The following KCNH7 variants were observed in gnomAD, a reference collection of about 807,000 sequenced individuals.
The protein encoded by KCNH7 is potassium voltage-gated channel subfamily H member 7.
A neutral mutation model predicts 120.8 loss-of-function variants in KCNH7; 49 were observed. The observed-to-expected ratio is 0.41, with a 90% CI of 0.32 to 0.51. The LOEUF is 0.51. Ranked by LOEUF, KCNH7 falls within the 20% of genes least tolerant of loss-of-function variation. KCNH7 has a pLI of 0.38. For synonymous variants in KCNH7, 547 were observed against 516.1 expected (o/e 1.06, Z -0.81); for missense variants, 1,097 against 1,446.6 (o/e 0.76, Z 3.92).
chr2:162,748,884 T>G (rs1454995384), intron 2 of KCNH7, among the ~76,000 whole-genome samples: 1 of 62,438 alleles, frequency 1.6e-5, no homozygotes, highest in East Asian at 9.2e-4. Context: ...TTCCCCTCCC[T>G]CCCTCCCTTC....
chr2:162,755,269 G>C (rs537831385), intron 2 of KCNH7, among the ~76,000 whole-genome samples: 105 of 152,130 alleles, frequency 6.9e-4, no homozygotes, highest in Middle Eastern at 3.4e-3. Context: ...AGGAGATCTA[G>C]ACCAGCCTGA....
At chr2:162,817,834 G>A (rs1684968007) in intron 2 of KCNH7, among the ~76,000 whole-genome samples, 1 of 151,794 alleles carries the variant, frequency 6.6e-6, no homozygotes, top group Non-Finnish European at 1.5e-5. Context: ...TCTTTCCTTG[G>A]TGGAGTGTCT....
rs986323521 is a variant in KCNH7, at chr2:162,531,999, G to T, written c.463+4926C>A. Among the ~76,000 whole-genome samples, 9 of 151,790 alleles carry T rather than the reference G, an allele frequency of 5.9e-5. 1 individual carries two copies. Among genetic ancestry groups the T allele is most frequent in the African/African-American group, 1.9e-4 (8 of 41,352 alleles). ...TCAAATATTAAAGTTTTGTGATAAGGCTTCCAGCTTCCCATAGATAATGAC... is the reference window on the plus strand; with the variant it reads ...TCAAATATTAAAGTTTTGTGATAAGTCTTCCAGCTTCCCATAGATAATGAC... On this transcript the variant is annotated intron_variant, in intron 3 of 15. Transcript: ENST00000332142.
intron 2 of KCNH7, among the ~76,000 whole-genome samples, chr2:162,716,622 G>A (rs1248053475): frequency 6.6e-6 from 1 of 151,966 alleles, no homozygotes; most frequent in African/African-American, 2.4e-5. Flanking sequence ...ATTTATTAGG[G>A]CTTTCTCAAT....
chr2:162,665,151 T>G (rs1212016875), intron 2 of KCNH7, among the ~76,000 whole-genome samples: 2 of 152,178 alleles, frequency 1.3e-5, no homozygotes, highest in Non-Finnish European at 1.5e-5. Context: ...TATTCTGAAC[T>G]TCATTTCTCA....
intron 2 of KCNH7, among the ~76,000 whole-genome samples, chr2:162,713,175 A>G (rs71424744): frequency 0.011 from 1,611 of 152,210 alleles, 11 homozygotes; most frequent in Admixed American, 0.013. Flanking sequence ...ATTTCTTATG[A>G]TTGGAAAAAG....
chr2:162,427,986 T>G (rs1687923458), intron 8 of KCNH7, among the ~76,000 whole-genome samples: 1 of 151,836 alleles, frequency 6.6e-6, no homozygotes, highest in Admixed American at 6.6e-5. Context: ...TCTTGTTTGT[T>G]TTCTATTTTT....
rs568048792 is a variant in KCNH7, at chr2:162,655,852, G to A, written c.308-118772C>T. On this transcript the variant is annotated intron_variant, in intron 2 of 15. Transcript: ENST00000332142. Reference sequence around the variant, plus strand: ...ATATTTTGAGATAGCATATCAATTCGTAGCATAGTTCCTGATACATCGATA... The same window carrying A: ...ATATTTTGAGATAGCATATCAATTCATAGCATAGTTCCTGATACATCGATA... 5.5e-4 allele frequency among the ~76,000 whole-genome samples: 83 copies of A among 152,214 alleles called. 1 individual carries two copies. The South Asian group carries it at 0.01, about 19-fold the overall frequency.
chr2:162,760,582 T>C (rs1055846885), intron 2 of KCNH7, among the ~76,000 whole-genome samples: 1 of 152,050 alleles, frequency 6.6e-6, no homozygotes, highest in Non-Finnish European at 1.5e-5. Flanking sequence ...TTGAGTGAAG[T>C]AACATTAATG....
At chr2:162,794,519 A>G (rs552753800) in intron 2 of KCNH7, among the ~76,000 whole-genome samples, 1 of 152,226 alleles carries the variant, frequency 6.6e-6, no homozygotes, top group African/African-American at 2.4e-5. Flanking sequence ...CTTAGTACTT[A>G]TACATTAACT....
At position 162,717,819 on chromosome 2, in the gene KCNH7, T is replaced by C. The variant is rs140678579; in HGVS notation, c.307+118718A>G. Reference sequence around the variant, plus strand: ...GATAAAGGCTGATTATTGAAATGAATTCAGTATTACTTGAAAAGTACAATT... The same window carrying C: ...GATAAAGGCTGATTATTGAAATGAACTCAGTATTACTTGAAAAGTACAATT... On this transcript the variant is annotated intron_variant, in intron 2 of 15. Transcript: ENST00000332142. Among the ~76,000 whole-genome samples the C allele has an allele frequency of 5.1e-4, 77 of 152,188 alleles. No individual in the cohort carries two copies. The East Asian group carries it at 0.013, about 26-fold the overall frequency.
At chr2:162,522,393 C>A (rs770341457) in intron 3 of KCNH7, among the ~76,000 whole-genome samples, 15 of 151,832 alleles carry the variant, frequency 9.9e-5, no homozygotes, top group Non-Finnish European at 2.1e-4. Flanking sequence ...TAGTCATATC[C>A]AGTGTGGTAC....
chr2:162,820,254 T>TGTGTGTG (rs59154139), intron 2 of KCNH7, among the ~76,000 whole-genome samples: 73 of 147,618 alleles, frequency 4.9e-4, no homozygotes, highest in South Asian at 8.6e-4. Context: ...TGTGTGTGTG[T>TGTGTGTG]TTAGTAGAGA....
At chr2:162,528,919 T>C (rs1691812012) in intron 3 of KCNH7, among the ~76,000 whole-genome samples, 1 of 151,744 alleles carries the variant, frequency 6.6e-6, no homozygotes, top group Non-Finnish European at 1.5e-5. Flanking sequence ...GAATAGAGGA[T>C]TAGAGAGAAG....
intron 2 of KCNH7, among the ~76,000 whole-genome samples, chr2:162,727,471 TG>T (rs1319644484): frequency 2.0e-5 from 3 of 152,168 alleles, no homozygotes; most frequent in Non-Finnish European, 4.4e-5. Flanking sequence ...TACATCTTTT[TG>T]TAGTTGATCT....
intron 2 of KCNH7, among the ~76,000 whole-genome samples, chr2:162,752,926 A>AAGAAAAG (rs1688623283): frequency 1.3e-5 from 1 of 77,202 alleles, no homozygotes; most frequent in African/African-American, 8.3e-5. Flanking sequence ...AAGAAAAGAA[A>AAGAAAAG]AGAAAAGAAA....
rs113131901 is a variant in KCNH7 at position 162,732,094 on chromosome 2, G to T, written c.307+104443C>A. On this transcript the variant is annotated intron_variant, in intron 2 of 15. Transcript: ENST00000332142. The stretch of plus-strand genomic sequence containing the variant: ...CCTTGCTCTCCTCTGTGGCCATAGG[G>T]ATATCACTGTCCAGAGTGGTGTAGG... 3.0e-3 allele frequency among the ~76,000 whole-genome samples: 454 copies of T among 152,256 alleles called. 5 individuals are homozygous for T. Among genetic ancestry groups the T allele is most frequent in the African/African-American group, 9.9e-3 (410 of 41,562 alleles).
chr2:162,799,351 A>G (rs1280621168), intron 2 of KCNH7, among the ~76,000 whole-genome samples: 4 of 151,926 alleles, frequency 2.6e-5, no homozygotes, highest in African/African-American at 9.7e-5. Flanking sequence ...AATTTTTGCA[A>G]AAATATTTTA....
intron 2 of KCNH7, among the ~76,000 whole-genome samples, chr2:162,720,236 A>G (rs1385548673): frequency 6.6e-6 from 1 of 151,342 alleles, no homozygotes; most frequent in Non-Finnish European, 1.5e-5. Context: ...TAAAATCACA[A>G]ATTCTTTATA....
Sources: allele counts gnomAD v4.1 joint callset (sites outside exome capture counted in the v4.1 genomes callset), GRCh38; gene constraint gnomAD v4.1.1; transcripts MANE v1.5; gene names NCBI Gene and HGNC (gene_info 2026-07-23, HGNC 2026-07-21).